Variants in LAMA3 observed in about 807,000 individuals in gnomAD.
The protein encoded by LAMA3 is laminin subunit alpha-3.
A neutral mutation model predicts 402.0 loss-of-function variants in LAMA3; 281 were observed. The ratio of observed to expected loss-of-function variants is 0.70; its 90% CI spans 0.63 to 0.77. The LOEUF (loss-of-function observed/expected upper bound fraction) is 0.77. LAMA3 is among the 30% of genes least tolerant of loss of function. The probability of loss-of-function intolerance (pLI) is 0.00; values close to 1 mark genes in which losing one functional copy is unlikely to be tolerated. For missense variants in LAMA3, 3,840 were observed against 4,215.5 expected, an observed-to-expected ratio of 0.91 and a Z score of 2.47; for synonymous variants, 1,431 against 1,558.4, an observed-to-expected ratio of 0.92 and a Z score of 1.93.
intron 7 of LAMA3, among the ~76,000 whole-genome samples, chr18:23,762,951 G>T (rs1201958776): frequency 6.6e-6 from 1 of 151,944 alleles, no homozygotes; most frequent in African/African-American, 2.4e-5. Context: ...CCGCCTTCTG[G>T]GTTCAAGCGA....
intron 62 of LAMA3, 68 bp downstream of exon 62, chr18:23,921,653 T>C (rs1599105000): frequency 1.3e-6 from 2 of 1,514,486 alleles, no homozygotes; most frequent in East Asian, 4.5e-5. Flanking sequence ...CCAAAAAAAA[T>C]CTGGTCTGCC....
intron 36 of LAMA3, 28 bp from the exon 37 acceptor site, chr18:23,867,806 T>C (rs1164319530): frequency 6.4e-7 from 1 of 1,554,828 alleles, no homozygotes; most frequent in African/African-American, 1.4e-5. Context: ...GTGAAGGTAC[T>C]AACACATTCA....
At chr18:23,746,341 T>C (rs1004164665) in intron 2 of LAMA3, among the ~76,000 whole-genome samples, 2 of 152,090 alleles carry the variant, frequency 1.3e-5, no homozygotes, top group African/African-American at 4.8e-5. Flanking sequence ...AGAGGAGTGG[T>C]TCTCAAAGTA....
rs553684459 is a variant in LAMA3, at chr18:23,751,090, T to C, written c.855+2T>C. On this transcript the variant is annotated splice_donor_variant, in intron 5 of 74. Transcript: ENST00000313654. LOFTEE classifies it high-confidence loss of function. The stretch of plus-strand genomic sequence containing the variant: ...CGAGATCCAACTGTCACTCGGCGGG[T>C]GAGTAGTCAGAGCATTTGTTTTGTT... 61 of 1,614,092 alleles carry C rather than the reference T, an allele frequency of 3.8e-5. No homozygotes were observed. The South Asian group carries it at 4.1e-4, about 11-fold the overall frequency.
At chr18:23,805,725 A>T (rs2062950334) in intron 12 of LAMA3, among the ~76,000 whole-genome samples, 1 of 152,216 alleles carries the variant, frequency 6.6e-6, no homozygotes, top group South Asian at 2.1e-4. Context: ...TTTAGAGCTG[A>T]TGTCCACTAA....
At chr18:23,698,202 CTTTTTTTTTTT>C (rs755879182) in intron 1 of LAMA3, among the ~76,000 whole-genome samples, 2 of 108,858 alleles carry the variant, frequency 1.8e-5, no homozygotes, top group African/African-American at 7.3e-5. Context: ...TCTTCTTCTT[CTTTTTTTTTTT>C]TTTTTTTTTT....
intron 11 of LAMA3, among the ~76,000 whole-genome samples, chr18:23,782,927 C>T (rs544780297): frequency 6.6e-6 from 1 of 152,102 alleles, no homozygotes; most frequent in African/African-American, 2.4e-5. Flanking sequence ...CTGTGGTGAG[C>T]TCTCATGAAG....
intron 2 of LAMA3, among the ~76,000 whole-genome samples, chr18:23,738,579 G>C (rs11877219): frequency 0.02 from 3,004 of 152,264 alleles, 106 homozygotes; most frequent in African/African-American, 0.069. Context: ...AGTGAAGAAG[G>C]CTGCATAGTC....
chr18:23,912,894 T>A lies in LAMA3; in HGVS notation c.7329+13T>A. 6.2e-7 allele frequency: 1 copy of A among 1,608,698 alleles called. No homozygotes were observed. Among genetic ancestry groups the A allele is most frequent in the African/African-American group, 1.3e-5 (1 of 74,948 alleles). On this transcript the variant is annotated intron_variant, in intron 56 of 74. Transcript: ENST00000313654. ...TGGAAATAAAGATGTAAGTATTGCT[T>A]GGACATCTCTCTTGTTTTTGAAACA... is the stretch of plus-strand genomic sequence containing the variant.
intron 32 of LAMA3, among the ~76,000 whole-genome samples, chr18:23,851,228 G>A (rs1031198570): frequency 6.6e-6 from 1 of 152,198 alleles, no homozygotes; most frequent in Admixed American, 6.5e-5. Context: ...CAGTGGTGAC[G>A]GCTGTAACAG....
intron 1 of LAMA3, among the ~76,000 whole-genome samples, chr18:23,694,800 C>G (rs533217030): frequency 1.3e-5 from 2 of 152,198 alleles, no homozygotes; most frequent in Non-Finnish European, 2.9e-5. Context: ...TTATTAGGAT[C>G]ATGAGCTTCC....
chr18:23,917,830 A>T (rs998938536), intron 60 of LAMA3, among the ~76,000 whole-genome samples: 4 of 151,332 alleles, frequency 2.6e-5, no homozygotes, highest in African/African-American at 9.7e-5. Flanking sequence ...TTGATAGTTT[A>T]CTCTGTTGAT....
chr18:23,903,139 T>C lies in LAMA3; in HGVS notation c.6318+14T>C. 6.8e-7 allele frequency: 1 copy of C among 1,473,932 alleles called. No individual in the cohort carries two copies. The highest frequency in any genetic ancestry group is 9.5e-7 in the Non-Finnish European group (1 of 1,052,454). The allele number at this position is 1,473,932 out of a possible 1,614,324, so 91.3% of individuals were successfully genotyped here. On this transcript the variant is annotated intron_variant, in intron 49 of 74. Transcript: ENST00000313654. ...AAAAGCCAGAAGGTAGAGGAAATAG[T>C]TGTTCTCTAGAAAAATCTAAAAACA...
intron 12 of LAMA3, among the ~76,000 whole-genome samples, chr18:23,793,377 A>G (rs2062699768): frequency 6.6e-6 from 1 of 152,068 alleles, no homozygotes. Flanking sequence ...AAGATGTCAA[A>G]GCATCAGAAA....
chr18:23,944,038 A>T, intron 69 of LAMA3, 67 bp downstream of exon 69: 1 of 1,464,216 alleles, frequency 6.8e-7, no homozygotes, highest in Non-Finnish European at 9.4e-7. Context: ...CGCTGAAAAT[A>T]GGAGTCCCAG....
chr18:23,825,546 C>T (rs971373672), intron 21 of LAMA3, among the ~76,000 whole-genome samples: 7 of 152,122 alleles, frequency 4.6e-5, no homozygotes, highest in African/African-American at 1.7e-4. Context: ...AAATTGGGAT[C>T]TTACAAGGAT....
chr18:23,943,100 G>A (rs2082581310), intron 68 of LAMA3, among the ~76,000 whole-genome samples: 2 of 152,156 alleles, frequency 1.3e-5, no homozygotes, highest in East Asian at 1.9e-4. Flanking sequence ...CTTCTCCTAC[G>A]ACTTCCCTCT....
intron 59 of LAMA3, 89 bp downstream of exon 59, chr18:23,915,511 G>A (rs1437961663): frequency 2.4e-6 from 3 of 1,251,752 alleles, no homozygotes; most frequent in African/African-American, 3.0e-5. Context: ...GGGCCAGTGA[G>A]ATGCTATTGA....
intron 55 of LAMA3, among the ~76,000 whole-genome samples, chr18:23,911,681 A>T (rs190784536): frequency 0.011 from 1,626 of 151,520 alleles, 15 homozygotes; most frequent in South Asian, 0.066. Flanking sequence ...TTCAGGACTG[A>T]ACACCTATAA....
Sources: allele counts gnomAD v4.1 joint callset (sites outside exome capture counted in the v4.1 genomes callset), GRCh38; gene constraint gnomAD v4.1.1; transcripts MANE v1.5; gene names NCBI Gene and HGNC (gene_info 2026-07-23, HGNC 2026-07-21).